CDH4: variants seen among roughly 807,000 people sequenced by gnomAD.
The protein encoded by CDH4 is cadherin 4.
CDH4 carries 33 observed loss-of-function variants against 86.0 expected under a neutral mutation model. The ratio of observed to expected loss-of-function variants is 0.38; its 90% CI spans 0.29 to 0.51. The LOEUF is 0.51. Ranked by LOEUF, CDH4 falls within the 20% of genes least tolerant of loss-of-function variation. The pLI is 0.86. For synonymous variants in CDH4, 555 were observed against 549.4 expected, an observed-to-expected ratio of 1.01 and a Z score of -0.14; for missense variants, 1,114 against 1,307.4, an observed-to-expected ratio of 0.85 and a Z score of 2.28.
At chr20:61,504,493 G>C (rs1568868332) in intron 2 of CDH4, among the ~76,000 whole-genome samples, 1 of 152,164 alleles carries the variant, frequency 6.6e-6, no homozygotes, top group Non-Finnish European at 1.5e-5. Flanking sequence ...TCTCAACGGG[G>C]GGCAGGGGGT....
At chr20:61,537,879 C>G (rs1011932125) in intron 2 of CDH4, among the ~76,000 whole-genome samples, 1 of 152,156 alleles carries the variant, frequency 6.6e-6, no homozygotes, top group African/African-American at 2.4e-5. Flanking sequence ...AGGGGCCGAG[C>G]GAGTCGGCTG....
intron 7 of CDH4, among the ~76,000 whole-genome samples, chr20:61,886,645 G>A (rs1984551865): frequency 6.6e-6 from 1 of 152,208 alleles, no homozygotes; most frequent in Non-Finnish European, 1.5e-5. Flanking sequence ...GAGGACGCTG[G>A]GACGCTGGTC....
intron 3 of CDH4, among the ~76,000 whole-genome samples, chr20:61,764,940 C>T (rs2088681507): frequency 6.6e-6 from 1 of 152,202 alleles, no homozygotes; most frequent in Non-Finnish European, 1.5e-5. Flanking sequence ...GTAGGATCAG[C>T]AGAATGCATT....
Position 61,807,781 on chromosome 20 carries a change from A to G in CDH4, c.576+34599A>G, listed in dbSNP as rs1254861853. On this transcript the variant is annotated intron_variant, in intron 4 of 15. Coordinates refer to ENST00000614565, the MANE Select transcript of CDH4 (RefSeq NM_001794.5). This position sits in a 1 kb window ranked among gnomAD's most constrained non-coding sequence, Gnocchi z 4.5. Reference sequence around the variant, plus strand: ...CCCAGCTAGCTGGGAGTTCTGAAATATAGGAAGGGAAGTGATAGGACGTCT... The same window carrying G: ...CCCAGCTAGCTGGGAGTTCTGAAATGTAGGAAGGGAAGTGATAGGACGTCT... Among the ~76,000 whole-genome samples the G allele has an allele frequency of 6.6e-6, 1 of 152,168 alleles. No individual in the cohort carries two copies. Among genetic ancestry groups the G allele is most frequent in the Non-Finnish European group, 1.5e-5 (1 of 68,022 alleles).
chr20:61,906,643 G>T (rs1201141709), intron 8 of CDH4, among the ~76,000 whole-genome samples: 1 of 152,188 alleles, frequency 6.6e-6, no homozygotes, highest in African/African-American at 2.4e-5. Context: ...GAGCCCAGCA[G>T]TGTGTGCTAC....
rs1197744252 is a variant in CDH4, at chr20:61,703,932, G to A, written c.170-39631G>A. 1.3e-5 allele frequency among the ~76,000 whole-genome samples: 2 copies of A among 152,192 alleles called. No homozygotes were observed. The highest frequency in any genetic ancestry group is 2.9e-5 in the Non-Finnish European group (2 of 68,038). ...TTTTCCAATAAAATGAAAAGGTTGAGCTGGAGCAGAGGCAGGGGTGTGGTT... is the reference window on the plus strand; with the variant it reads ...TTTTCCAATAAAATGAAAAGGTTGAACTGGAGCAGAGGCAGGGGTGTGGTT... On this transcript the variant is annotated intron_variant, in intron 2 of 15. Transcript: ENST00000614565. This position sits in a 1 kb window ranked among gnomAD's most constrained non-coding sequence, Gnocchi z 4.3.
At chr20:61,728,437 A>G (rs536841899) in intron 2 of CDH4, among the ~76,000 whole-genome samples, 175 of 152,274 alleles carry the variant, frequency 1.1e-3, no homozygotes, top group Non-Finnish European at 1.9e-3. Flanking sequence ...GAAGGGCTCA[A>G]GGGCCATGTC....
chr20:61,474,201 C>T (rs2145571612), intron 2 of CDH4, among the ~76,000 whole-genome samples: 1 of 136,472 alleles, frequency 7.3e-6, no homozygotes, highest in South Asian at 2.4e-4. Flanking sequence ...GACTCTGTTG[C>T]CCAGGCTGGA....
At chr20:61,787,007 C>A (rs1310411685) in intron 4 of CDH4, among the ~76,000 whole-genome samples, 1 of 152,230 alleles carries the variant, frequency 6.6e-6, no homozygotes, top group Non-Finnish European at 1.5e-5. Context: ...CTTCATTCTT[C>A]AGTTGTGGCC....
At chr20:61,556,102 G>T (rs1034698408) in intron 2 of CDH4, among the ~76,000 whole-genome samples, 3 of 152,164 alleles carry the variant, frequency 2.0e-5, no homozygotes, top group Non-Finnish European at 2.9e-5. Flanking sequence ...TGCCTTTCTC[G>T]GTCAGAGCAG....
intron 2 of CDH4, 124 bp downstream of exon 2, chr20:61,255,061 T>A (rs2084091089): frequency 1.5e-6 from 1 of 673,286 alleles, no homozygotes; most frequent in Non-Finnish European, 2.7e-6. Flanking sequence ...GGTGGTGAAG[T>A]CCACGAGGTG....
At chr20:61,872,287 A>G (rs1983838321) in intron 6 of CDH4, among the ~76,000 whole-genome samples, 1 of 152,140 alleles carries the variant, frequency 6.6e-6, no homozygotes, top group Non-Finnish European at 1.5e-5. Flanking sequence ...AGCTGTTTCA[A>G]TGCAGGTGAG....
At chr20:61,662,671 A>G (rs2087272707) in intron 2 of CDH4, among the ~76,000 whole-genome samples, 1 of 152,150 alleles carries the variant, frequency 6.6e-6, no homozygotes, top group Admixed American at 6.5e-5. Flanking sequence ...AGAGAGAGGA[A>G]CGGACAGTGT....
At chr20:61,907,985 G>A (rs969058569) in intron 8 of CDH4, among the ~76,000 whole-genome samples, 8 of 152,202 alleles carry the variant, frequency 5.3e-5, no homozygotes, top group Admixed American at 1.3e-4. Context: ...ATTGTATCGG[G>A]ATGTGAATGC....
intron 2 of CDH4, among the ~76,000 whole-genome samples, chr20:61,411,553 G>T (rs570621264): frequency 6.6e-6 from 1 of 151,940 alleles, no homozygotes; most frequent in East Asian, 1.9e-4. Flanking sequence ...GGCTGGGCTG[G>T]GCACGTGGTG....
intron 12 of CDH4, among the ~76,000 whole-genome samples, chr20:61,928,988 ATATATT>A (rs895157316): frequency 2.6e-5 from 4 of 152,070 alleles, no homozygotes; most frequent in Admixed American, 1.3e-4. Context: ...AATTTTTTAT[ATATATT>A]TATTGGCCAT....
chr20:61,648,257 G>A (rs943523473), intron 2 of CDH4, among the ~76,000 whole-genome samples: 3 of 152,248 alleles, frequency 2.0e-5, no homozygotes, highest in Admixed American at 6.5e-5. Context: ...GCAGTGAGAA[G>A]GTCAGGGCTT....
chr20:61,690,080 T>C (rs112150190), intron 2 of CDH4, among the ~76,000 whole-genome samples: 1 of 144,590 alleles, frequency 6.9e-6, no homozygotes, highest in Non-Finnish European at 1.5e-5. Flanking sequence ...GGTGAGGTGA[T>C]GTGGATTCTG....
intron 3 of CDH4, among the ~76,000 whole-genome samples, chr20:61,745,119 G>A (rs1300384159): frequency 6.6e-6 from 1 of 152,176 alleles, no homozygotes. Context: ...ACCACGCAAG[G>A]CGGCGGCCAC....
Sources: allele counts gnomAD v4.1 joint callset (sites outside exome capture counted in the v4.1 genomes callset), GRCh38; gene constraint gnomAD v4.1.1; non-coding constraint Gnocchi (gnomAD v3.1); transcripts MANE v1.5; gene names NCBI Gene and HGNC (gene_info 2026-07-23, HGNC 2026-07-21).